The following TBP variants were observed in gnomAD, a reference collection of about 807,000 sequenced individuals.
The protein encoded by TBP is TATA-box-binding protein.
Under a neutral mutation model 46.2 loss-of-function variants are expected in TBP, and 12 were observed. That is an observed-to-expected ratio of 0.26 (90% CI 0.17 to 0.42). The LOEUF (loss-of-function observed/expected upper bound fraction) is 0.42. Among genes scored for constraint, TBP ranks in the 10% least tolerant of loss-of-function variants. The probability of loss-of-function intolerance (pLI) is 1.00; values close to 1 mark genes in which losing one functional copy is unlikely to be tolerated. For missense variants in TBP, 229 were observed against 403.1 expected (o/e 0.57, Z 3.70); for synonymous variants, 157 against 148.3 (o/e 1.06, Z -0.42).
intron 2 of TBP, among the ~76,000 whole-genome samples, chr6:170,558,680 T>C (rs1779079774): frequency 6.6e-6 from 1 of 151,836 alleles, no homozygotes; most frequent in Admixed American, 6.6e-5. Flanking sequence ...CAAACTTTTT[T>C]TTTTCTTTTT....
At position 170,564,227 on chromosome 6, in the gene TBP, G is replaced by A. The variant is rs1467980376; in HGVS notation, c.498-318G>A. Among the ~76,000 whole-genome samples the A allele has an allele frequency of 2.0e-5, 3 of 152,214 alleles. No homozygotes were observed. The East Asian group carries it at 5.8e-4, about 29-fold the overall frequency. On this transcript the variant is annotated intron_variant, in intron 3 of 7. Transcript: ENST00000392092. Reference sequence around the variant, plus strand: ...AGGCTAAGGGCAGGCTCTGGAGACAGACAGACTCAAATCCTGGCTCCTCCA... The same window carrying A: ...AGGCTAAGGGCAGGCTCTGGAGACAAACAGACTCAAATCCTGGCTCCTCCA...
At chr6:170,554,946 C>T (rs886835583) in intron 1 of TBP, among the ~76,000 whole-genome samples, 2 of 152,144 alleles carry the variant, frequency 1.3e-5, no homozygotes, top group Non-Finnish European at 2.9e-5. Context: ...TGCAGGGTCT[C>T]CCGTCTCTCG....
intron 3 of TBP, among the ~76,000 whole-genome samples, chr6:170,562,938 C>A (rs1779176260): frequency 1.3e-5 from 2 of 152,140 alleles, no homozygotes; most frequent in Non-Finnish European, 2.9e-5. Context: ...CTCCTTCATA[C>A]TCCCTTTAGA....
chr6:170,562,887 C>G (rs981285115), intron 3 of TBP, among the ~76,000 whole-genome samples: 19 of 152,160 alleles, frequency 1.2e-4, no homozygotes, highest in Non-Finnish European at 1.5e-4. Context: ...AGGTTACTTG[C>G]AGTCTCTGCA....
rs771634403 is a variant in TBP at position 170,569,636 on chromosome 6, A to C, written c.702A>C (p.Ala234=). 1.2e-6 allele frequency: 2 copies of C among 1,614,130 alleles called. No individual in the cohort carries two copies. Among genetic ancestry groups the C allele is most frequent in the South Asian group, 2.2e-5 (2 of 91,078 alleles). Residue 234 remains alanine, a synonymous_variant, in exon 6 of 8, where the codon GCA becomes GCC. Coordinates refer to ENST00000392092, the MANE Select transcript of TBP (RefSeq NM_003194.5). The part of the protein sequence containing the change: ...AKSEEQSRLA[A]RKYARVVQKL... ...GTGAAGAACAGTCCAGACTGGCAGC[A>C]AGAAAATATGCTAGAGTTGTACAGA...
At chr6:170,560,436 TA>T (rs1409245064) in intron 2 of TBP, among the ~76,000 whole-genome samples, 1 of 152,100 alleles carries the variant, frequency 6.6e-6, no homozygotes, top group Non-Finnish European at 1.5e-5. Flanking sequence ...GTCCAGAAGT[TA>T]AAGGCTACAA....
rs750824039 is a variant in TBP, at chr6:170,572,262, G to A, written c.1017G>A (p.Thr339=). Residue 339 remains threonine (T), a synonymous_variant, in exon 8 of 8, where the codon ACG becomes ACA. Transcript: ENST00000392092. The part of the protein sequence containing the change: ...YPILKGFRKT[T] Reference sequence around the variant, plus strand: ...TTCTAAAGGGATTCAGGAAGACGACGTAATGGCTCTCATGTACCCTTGCCT... The same window carrying A: ...TTCTAAAGGGATTCAGGAAGACGACATAATGGCTCTCATGTACCCTTGCCT... The A allele has an allele frequency of 2.9e-5, 46 of 1,612,046 alleles. No individual in the cohort carries two copies. The highest frequency in any genetic ancestry group is 1.3e-4 in the Admixed American group (8 of 59,932).
At chr6:170,558,457 G>A (rs1458769907) in intron 2 of TBP, among the ~76,000 whole-genome samples, 1 of 152,158 alleles carries the variant, frequency 6.6e-6, no homozygotes, top group Non-Finnish European at 1.5e-5. Flanking sequence ...ACCTTGGCAA[G>A]TGCTTGTCAG....
chr6:170,566,962 G>A lies in TBP; in HGVS notation c.630G>A (p.Thr210=), dbSNP rs547495461. 26 of 1,613,642 alleles carry A rather than the reference G, an allele frequency of 1.6e-5. No homozygotes were observed. The highest frequency in any genetic ancestry group is 3.3e-5 in the Admixed American group (2 of 59,976). ...TGAGGATAAGAGAGCCACGAACCAC[G>A]GCACTGATTTTCAGTTCTGGGAAAA... is the stretch of plus-strand genomic sequence containing the variant. ...VIMRIREPRT[T]ALIFSSGKMV... is the part of the protein sequence containing the mutation. Residue 210 remains threonine (T), a synonymous_variant, in exon 5 of 8, where the codon ACG becomes ACA. Transcript: ENST00000392092.
At position 170,554,454 on chromosome 6, in the gene TBP, A is replaced by C. The variant is rs907907973; in HGVS notation, c.-158A>C. 2 of 152,556 alleles carry C rather than the reference A, an allele frequency of 1.3e-5. No individual in the cohort carries two copies. Among genetic ancestry groups the C allele is most frequent in the Non-Finnish European group, 2.9e-5 (2 of 68,300 alleles). 9.5% of individuals were successfully genotyped at this position (152,556 alleles called of 1,614,324 possible). A position where few individuals can be genotyped will look rare whatever the true frequency, so the allele number is the denominator to read the frequency against. On this transcript the variant is annotated 5_prime_UTR_variant, in exon 1 of 8. Coordinates refer to ENST00000392092, the MANE Select transcript of TBP (RefSeq NM_003194.5). ...TCCGCTGGCCCATAGTGATCTTTGC[A>C]GTGACCCAGGTAACAGATTGTACTC...
chr6:170,557,050 G>GCCACCTTACGCTCAGGGCTTGGCCTC lies in TBP; in HGVS notation c.24_49dup (p.Pro17HisfsTer14). 1.9e-6 allele frequency: 3 copies of GCCACCTTACGCTCAGGGCTTGGCCTC among 1,614,158 alleles called. No individual in the cohort carries two copies. The highest frequency in any genetic ancestry group is 2.5e-6 in the Non-Finnish European group (3 of 1,180,014). On this transcript the variant is annotated frameshift_variant, in exon 2 of 8. Transcript: ENST00000392092. LOFTEE classifies it high-confidence loss of function. ...ACATCATGGATCAGAACAACAGCCT[G>GCCACCTTACGCTCAGGGCTTGGCCTC]CCACCTTACGCTCAGGGCTTGGCCT...
rs1025996145 is a variant in TBP, at chr6:170,566,627, C to G, written c.586-291C>G. On this transcript the variant is annotated intron_variant, in intron 4 of 7. Transcript: ENST00000392092. ...GCACTTGTATTTATTGAGAACATAA[C>G]CAAATTTTGCAAACATTTCTCTTGA... Among the ~76,000 whole-genome samples the G allele has an allele frequency of 2.0e-5, 3 of 152,214 alleles. No homozygotes were observed. The East Asian group carries it at 5.8e-4, about 29-fold the overall frequency.
intron 6 of TBP, among the ~76,000 whole-genome samples, chr6:170,570,253 T>C (rs1457744473): frequency 6.6e-6 from 1 of 152,146 alleles, no homozygotes; most frequent in Non-Finnish European, 1.5e-5. Context: ...CACTGCTTCA[T>C]CTCATGGTCT....
Position 170,572,459 on chromosome 6 carries a change from A to ACACCGCG in TBP, c.*197_*203dup. The ACACCGCG allele has an allele frequency of 3.3e-6, 2 of 603,124 alleles. No individual in the cohort carries two copies. The highest frequency in any genetic ancestry group is 5.9e-6 in the Non-Finnish European group (2 of 340,226). 37.4% of individuals were successfully genotyped at this position (603,124 alleles called of 1,614,324 possible). On this transcript the variant is annotated 3_prime_UTR_variant, in exon 8 of 8. Coordinates refer to ENST00000392092, the MANE Select transcript of TBP (RefSeq NM_003194.5). ...AAGGGGCATTATTTGTGCACTGAGA[A>ACACCGCG]CACCGCGCAGCGTGACTGTGAGTTG...
chr6:170,572,386 T>A lies in TBP; in HGVS notation c.*121T>A. ...AAGATGGATGTTGAGTTGCAGGGTGTGGCACCAGGTGATGCCCTTCTGTAA... is the reference window on the plus strand; with the variant it reads ...AAGATGGATGTTGAGTTGCAGGGTGAGGCACCAGGTGATGCCCTTCTGTAA... On this transcript the variant is annotated 3_prime_UTR_variant, in exon 8 of 8. Coordinates refer to ENST00000392092, the MANE Select transcript of TBP (RefSeq NM_003194.5). 1 of 820,748 alleles carries A rather than the reference T, an allele frequency of 1.2e-6. No individual in the cohort carries two copies. Among genetic ancestry groups the A allele is most frequent in the Non-Finnish European group, 2.0e-6 (1 of 510,260 alleles). 50.8% of individuals were successfully genotyped at this position (820,748 alleles called of 1,614,324 possible). A position where few individuals can be genotyped will look rare whatever the true frequency, so the allele number is the denominator to read the frequency against.
intron 1 of TBP, 138 bp downstream of exon 1, chr6:170,554,601 C>CGTTTTCGGGG (rs1778978795): frequency 6.5e-6 from 1 of 152,752 alleles, no homozygotes; most frequent in Non-Finnish European, 1.5e-5. Context: ...TTCGTGCTGC[C>CGTTTTCGGGG]GCCGTTCCGG....
At chr6:170,572,055 A>G in intron 7 of TBP, 131 bp from the exon 8 acceptor site, 1 of 720,398 alleles carries the variant, frequency 1.4e-6, no homozygotes, top group Non-Finnish European at 2.4e-6. Flanking sequence ...TAATGTTTTC[A>G]TGCCTGTGCC....
intron 5 of TBP, 127 bp from the exon 6 acceptor site, chr6:170,569,485 A>T (rs1011007418): frequency 1.4e-6 from 1 of 691,160 alleles, no homozygotes; most frequent in Non-Finnish European, 2.2e-6. Flanking sequence ...CTTTTCTCCT[A>T]TTGCAAGAAG....
At chr6:170,565,105 G>A (rs931666907) in intron 4 of TBP, among the ~76,000 whole-genome samples, 15 of 152,246 alleles carry the variant, frequency 9.9e-5, no homozygotes, top group East Asian at 1.9e-4. Context: ...TGCAGTGAGC[G>A]GAGATTGCGC....
Sources: gnomAD v4.1 joint callset for allele counts (sites outside exome capture counted in the v4.1 genomes callset) on GRCh38, gnomAD v4.1.1 for gene constraint, MANE v1.5 for transcripts, NCBI Gene and HGNC (gene_info 2026-07-23, HGNC 2026-07-21) for gene names.